Variants in EIF4G3 observed in about 807,000 individuals in gnomAD.
EIF4G3 encodes eukaryotic translation initiation factor 4 gamma 3, also known as eIF-4-gamma 3.
EIF4G3 carries 34 observed loss-of-function variants against 186.4 expected under a neutral mutation model. That is an observed-to-expected ratio of 0.18 (90% CI 0.14 to 0.24). The LOEUF (loss-of-function observed/expected upper bound fraction) is 0.24. EIF4G3 is among the 10% of genes least tolerant of loss of function. EIF4G3 has a pLI of 1.00. For synonymous variants in EIF4G3, 673 were observed against 679.5 expected, an observed-to-expected ratio of 0.99 and a Z score of 0.15; for missense variants, 1,536 against 1,948.5, an observed-to-expected ratio of 0.79 and a Z score of 3.99.
At chr1:20,918,554 ATTC>A (rs1300017884) in intron 14 of EIF4G3, among the ~76,000 whole-genome samples, 1 of 152,126 alleles carries the variant, frequency 6.6e-6, no homozygotes, top group African/African-American at 2.4e-5. Context: ...TATATGAGTT[ATTC>A]TTCAACATGC....
At chr1:20,842,414 C>G (rs909561567) in intron 29 of EIF4G3, among the ~76,000 whole-genome samples, 145 of 152,316 alleles carry the variant, frequency 9.5e-4, no homozygotes, top group African/African-American at 3.4e-3. Context: ...GTTGCCCAGG[C>G]TGGAGTGCAA....
intron 29 of EIF4G3, among the ~76,000 whole-genome samples, chr1:20,846,552 T>C (rs1277933753): frequency 6.6e-6 from 1 of 152,212 alleles, no homozygotes; most frequent in Non-Finnish European, 1.5e-5. Context: ...AAACATTTTT[T>C]TGGTAGCTAC....
Position 20,886,378 on chromosome 1 carries a change from C to T in EIF4G3, c.2254-7G>A. 6.2e-7 allele frequency: 1 copy of T among 1,612,354 alleles called. No homozygotes were observed. The highest frequency in any genetic ancestry group is 2.2e-5 in the East Asian group (1 of 44,850). On this transcript the variant is annotated splice_region_variant and splice_polypyrimidine_tract_variant and intron_variant, in intron 18 of 36. Transcript: ENST00000602326. ...GTGACCCAACATTCAACAACTAGGA[C>T]AAGAATATTACAGCTATTCAGAGTA...
Position 20,810,301 on chromosome 1 carries a change from C to G in EIF4G3, c.4744+437G>C, listed in dbSNP as rs1241384059. Among the ~76,000 whole-genome samples the G allele has an allele frequency of 2.6e-5, 4 of 151,952 alleles. No homozygotes were observed. Among genetic ancestry groups the G allele is most frequent in the Admixed American group, 2.6e-4 (4 of 15,258 alleles). On this transcript the variant is annotated intron_variant, in intron 36 of 36. Coordinates refer to ENST00000602326, the MANE Select transcript of EIF4G3 (RefSeq NM_001391906.1). The surrounding 1 kb of genome is among the most constrained non-coding windows in gnomAD (Gnocchi z 4.1). ...TCCCAAGTAGCTGGGATTACAGGTG[C>G]CCGCCACCACACCCAGCTAATTTTT...
chr1:21,045,306 T>C (rs1475390609), intron 4 of EIF4G3, among the ~76,000 whole-genome samples: 3 of 152,126 alleles, frequency 2.0e-5, no homozygotes, highest in Admixed American at 6.5e-5. Flanking sequence ...ATGATGAAAA[T>C]TGTGGTGTAA....
At chr1:21,007,525 A>AAAAACAAAAC (rs1553128296) in intron 4 of EIF4G3, among the ~76,000 whole-genome samples, 2 of 139,570 alleles carry the variant, frequency 1.4e-5, no homozygotes, top group Non-Finnish European at 3.1e-5. Context: ...TAAAAAAAAA[A>AAAAACAAAAC]AAAAAAAAAA....
intron 2 of EIF4G3, among the ~76,000 whole-genome samples, chr1:21,147,626 CA>C (rs1456126831): frequency 6.6e-6 from 1 of 152,100 alleles, no homozygotes; most frequent in Admixed American, 6.6e-5. Flanking sequence ...CCACCGCACC[CA>C]ACCTTTGCTA....
intron 20 of EIF4G3, among the ~76,000 whole-genome samples, chr1:20,874,779 C>T (rs2080269319): frequency 6.6e-6 from 1 of 152,136 alleles, no homozygotes; most frequent in East Asian, 1.9e-4. Flanking sequence ...TCTTTCCCTA[C>T]TCAAAAGTTC....
chr1:20,834,050 AC>A (rs1191786316), intron 30 of EIF4G3, among the ~76,000 whole-genome samples: 1 of 152,216 alleles, frequency 6.6e-6, no homozygotes, highest in Non-Finnish European at 1.5e-5. Flanking sequence ...TAACCAGAAA[AC>A]AAATTACAAA....
intron 20 of EIF4G3, among the ~76,000 whole-genome samples, chr1:20,877,487 A>G (rs1392003334): frequency 1.3e-5 from 2 of 152,368 alleles, no homozygotes; most frequent in African/African-American, 4.8e-5. Flanking sequence ...TAGAATAACC[A>G]TTAAAAATAA....
chr1:20,899,119 T>C (rs1035419057), intron 16 of EIF4G3, among the ~76,000 whole-genome samples: 6 of 152,256 alleles, frequency 3.9e-5, no homozygotes, highest in South Asian at 2.1e-4. Context: ...TTATATAGCA[T>C]TATGACAGAG....
intron 35 of EIF4G3, among the ~76,000 whole-genome samples, chr1:20,811,229 C>A (rs1468860442): frequency 6.6e-6 from 1 of 152,224 alleles, no homozygotes; most frequent in African/African-American, 2.4e-5. Flanking sequence ...GCTGGGATTA[C>A]AGGCATGAGC....
rs2094178595 is a variant in EIF4G3, at chr1:21,051,012, TTTAG to T, written c.-195-22_-195-19del. On this transcript the variant is annotated intron_variant, in intron 3 of 36. Transcript: ENST00000602326. ...TGTGTTACCTGTGAGGAAATCAATA[TTTAG>T]TAAGAACATTATATTAGTAAATCAA... 2.8e-6 allele frequency: 2 copies of T among 717,116 alleles called. No homozygotes were observed. The highest frequency in any genetic ancestry group is 3.5e-5 in the African/African-American group (2 of 57,252). 44.4% of individuals were successfully genotyped at this position (717,116 alleles called of 1,614,324 possible).
At chr1:20,850,491 A>G (rs1339106592) in intron 28 of EIF4G3, among the ~76,000 whole-genome samples, 1 of 152,228 alleles carries the variant, frequency 6.6e-6, no homozygotes, top group Admixed American at 6.5e-5. Flanking sequence ...TTAGAAAGCT[A>G]TATAAATACT....
At chr1:20,981,743 C>T (rs10799675) in intron 8 of EIF4G3, among the ~76,000 whole-genome samples, 41,996 of 115,118 alleles carry the variant, frequency 0.36, 9,144 homozygotes, top group Non-Finnish European at 0.41. Flanking sequence ...ACTGTATATA[C>T]ACATACATAT....
At position 20,865,109 on chromosome 1, in the gene EIF4G3, T is replaced by A. The variant is rs931124229; in HGVS notation, c.2769+7A>T. On this transcript the variant is annotated splice_region_variant and intron_variant, in intron 21 of 36. Transcript: ENST00000602326. The stretch of plus-strand genomic sequence containing the variant: ...TACAAGCACTGTCTTTCTATGAAAA[T>A]ACTTACAGCACTGGCAGCCTCAAGT... 22 of 1,613,876 alleles carry A rather than the reference T, an allele frequency of 1.4e-5. No individual in the cohort carries two copies. Among genetic ancestry groups the A allele is most frequent in the Non-Finnish European group, 1.6e-5 (19 of 1,179,960 alleles).
At chr1:21,144,195 T>C (rs934013518) in intron 2 of EIF4G3, among the ~76,000 whole-genome samples, 2 of 152,220 alleles carry the variant, frequency 1.3e-5, no homozygotes, top group African/African-American at 4.8e-5. Flanking sequence ...GGGTAATCTT[T>C]GGGAGATAAC....
intron 14 of EIF4G3, chr1:20,929,444 C>A (rs2095171544): frequency 6.6e-6 from 1 of 152,148 alleles, no homozygotes; most frequent in Non-Finnish European, 1.5e-5. Flanking sequence ...CATCTCATGT[C>A]CCAGATTTTA....
At chr1:21,150,988 T>C (rs1379684119) in intron 2 of EIF4G3, among the ~76,000 whole-genome samples, 2 of 151,876 alleles carry the variant, frequency 1.3e-5, no homozygotes, top group Non-Finnish European at 2.9e-5. Flanking sequence ...AATAAACAAA[T>C]AAATAAAGTG....
Sources: allele counts gnomAD v4.1 joint callset (sites outside exome capture counted in the v4.1 genomes callset), GRCh38; gene constraint gnomAD v4.1.1; non-coding constraint Gnocchi (gnomAD v3.1); transcripts MANE v1.5; gene names NCBI Gene and HGNC (gene_info 2026-07-23, HGNC 2026-07-21).